MACF1: variants seen among roughly 807,000 people sequenced by gnomAD.
MACF1 encodes the protein microtubule-actin cross-linking factor 1.
MACF1 carries 193 observed loss-of-function variants against 854.8 expected under a neutral mutation model. That is an observed-to-expected ratio of 0.23 (90% confidence interval 0.20 to 0.25). MACF1 has a LOEUF of 0.25. MACF1 is among the 10% of genes least tolerant of loss of function. The pLI, the probability that MACF1 is intolerant of heterozygous loss-of-function variation, is 1.00. For missense variants in MACF1, 7,722 were observed against 8,929.1 expected, an observed-to-expected ratio of 0.86 and a Z score of 5.45; for synonymous variants, 3,185 against 3,226.7, an observed-to-expected ratio of 0.99 and a Z score of 0.44.
intron 2 of MACF1, among the ~76,000 whole-genome samples, chr1:39,173,084 A>C (rs959524942): frequency 8.5e-5 from 13 of 152,136 alleles, no homozygotes; most frequent in Non-Finnish European, 2.9e-5. Context: ...GGCTTTGCCT[A>C]TAATCCCAGC....
chr1:39,169,952 T>G (rs945072400), intron 2 of MACF1, among the ~76,000 whole-genome samples: 1 of 151,662 alleles, frequency 6.6e-6, no homozygotes, highest in African/African-American at 2.4e-5. Context: ...TTTTTTTTTT[T>G]TGTATTTTTT....
At position 39,144,582 on chromosome 1, in the gene MACF1, G is replaced by GT. The variant is rs530489247; in HGVS notation, c.220+60145dup. Among the ~76,000 whole-genome samples, 506 of 152,078 alleles carry GT rather than the reference G, an allele frequency of 3.3e-3. 4 individuals carry two copies. Among genetic ancestry groups the GT allele is most frequent in the Non-Finnish European group, 5.9e-3 (404 of 68,002 alleles). On this transcript the variant is annotated intron_variant, in intron 2 of 93. Coordinates refer to the MACF1 transcript ENST00000361689. ...GAATTCCCTTCTAACAACGTGTGAG[G>GT]TGTCAGCCCCATTTGAAGAACTAGT...
intron 2 of MACF1, among the ~76,000 whole-genome samples, chr1:39,146,121 C>G (rs776511697): frequency 6.6e-6 from 1 of 152,110 alleles, no homozygotes; most frequent in Admixed American, 6.5e-5. Context: ...TGGAAGCCAC[C>G]TAAGTGTCCA....
intron 21 of MACF1, among the ~76,000 whole-genome samples, chr1:39,299,710 A>G (rs926860600): frequency 6.6e-6 from 1 of 152,200 alleles, no homozygotes; most frequent in African/African-American, 2.4e-5. Context: ...TTAGGAAAAT[A>G]AAATATTTGG....
At chr1:39,321,731 A>G (rs997847103) in intron 31 of MACF1, among the ~76,000 whole-genome samples, 3 of 152,120 alleles carry the variant, frequency 2.0e-5, no homozygotes, top group Non-Finnish European at 2.9e-5. Context: ...AGCACCTGGG[A>G]GCTTATTAGA....
In MACF1 at chr1:39,485,795, C is replaced by T. The variant is rs760916509; in HGVS notation, c.*1C>T. 5 of 1,587,846 alleles carry T rather than the reference C, an allele frequency of 3.1e-6. No homozygotes were observed. The Admixed American group carries it at 8.5e-5, about 27-fold the overall frequency. ...CAGGACTCCAGGTCCCAAGCGATAA[C>T]ACTGTCTAAGCACCCCCAAGCCACT... On this transcript the variant is annotated 3_prime_UTR_variant, in exon 101 of 101. Coordinates refer to ENST00000564288, the MANE Select transcript of MACF1 (RefSeq NM_001394062.1).
intron 58 of MACF1, among the ~76,000 whole-genome samples, chr1:39,403,634 T>A (rs1642569329): frequency 6.6e-6 from 1 of 152,170 alleles, no homozygotes; most frequent in African/African-American, 2.4e-5. Context: ...CTACCTTCTC[T>A]CTGGTCAGTT....
At chr1:39,422,121 C>CA (rs1349699054) in intron 58 of MACF1, among the ~76,000 whole-genome samples, 1 of 151,900 alleles carries the variant, frequency 6.6e-6, no homozygotes, top group African/African-American at 2.4e-5. Flanking sequence ...AAAAAAAGAA[C>CA]AAAGGAAAGA....
At chr1:39,463,798 T>C in intron 94 of MACF1, 112 bp downstream of exon 94, 1 of 901,540 alleles carries the variant, frequency 1.1e-6, no homozygotes, top group Non-Finnish European at 1.8e-6. Flanking sequence ...TGAGATGTGG[T>C]CACTCTCTGA....
At chr1:39,247,591 A>G (rs1644996506) in intron 2 of MACF1, among the ~76,000 whole-genome samples, 1 of 152,134 alleles carries the variant, frequency 6.6e-6, no homozygotes, top group Admixed American at 6.5e-5. Flanking sequence ...ATTTAGTGAT[A>G]TTATATTAGT....
intron 2 of MACF1, among the ~76,000 whole-genome samples, chr1:39,109,376 TCTC>T (rs1446358468): frequency 6.6e-6 from 1 of 152,168 alleles, no homozygotes; most frequent in East Asian, 1.9e-4. Flanking sequence ...TTCAAGCAAT[TCTC>T]CTGCCTCAGC....
intron 61 of MACF1, among the ~76,000 whole-genome samples, chr1:39,425,932 A>T (rs1643712555): frequency 6.6e-6 from 1 of 152,128 alleles, no homozygotes; most frequent in South Asian, 2.1e-4. Context: ...CTAGCCTAAT[A>T]TAGTTTCTGG....
intron 49 of MACF1, among the ~76,000 whole-genome samples, chr1:39,366,696 CT>C (rs10718160): frequency 0.36 from 48,552 of 133,498 alleles, 8,260 homozygotes; most frequent in African/African-American, 0.46. Context: ...TACAAATATA[CT>C]TTTTTTTTTT....
chr1:39,463,559 A>C, intron 93 of MACF1, 53 bp from the exon 94 acceptor site: 1 of 1,261,672 alleles, frequency 7.9e-7, no homozygotes, highest in South Asian at 1.2e-5. Context: ...GTTTCTCTGA[A>C]TAGGAAGTTT....
At chr1:39,462,332 C>T (rs1365971017) in intron 93 of MACF1, among the ~76,000 whole-genome samples, 1 of 152,126 alleles carries the variant, frequency 6.6e-6, no homozygotes, top group East Asian at 1.9e-4. Flanking sequence ...TTCACTCGTC[C>T]TGTGTTTGGG....
Position 39,172,191 on chromosome 1 carries a change from A to G in MACF1, c.221-58991A>G, listed in dbSNP as rs944762955. 2.6e-5 allele frequency among the ~76,000 whole-genome samples: 4 copies of G among 152,162 alleles called. No homozygotes were observed. The South Asian group carries it at 8.3e-4, about 32-fold the overall frequency. On this transcript the variant is annotated intron_variant, in intron 2 of 93. Transcript: ENST00000361689. ...AAGTAATGAATTTTATATAGAAGGG[A>G]GCATTATTCTTTGCAAAATAAGACC...
intron 1 of MACF1, among the ~76,000 whole-genome samples, chr1:39,213,890 T>C (rs1473132558): frequency 6.6e-6 from 1 of 152,168 alleles, no homozygotes; most frequent in East Asian, 1.9e-4. Context: ...TGAGAACCTT[T>C]ATTAGTAAGC....
chr1:39,170,617 T>C (rs1020237947), intron 2 of MACF1, among the ~76,000 whole-genome samples: 2 of 152,202 alleles, frequency 1.3e-5, no homozygotes, highest in African/African-American at 4.8e-5. Context: ...ACGACTATTA[T>C]AGGAAAAAGG....
rs771288087 is a variant in MACF1, at chr1:39,302,914, A to T, written c.2635-10A>T. Reference sequence around the variant, plus strand: ...TCCATTAGCAATCACTGGTAAATTTATCTCTTCAGATTACTATTTGCAAAA... The same window carrying T: ...TCCATTAGCAATCACTGGTAAATTTTTCTCTTCAGATTACTATTTGCAAAA... On this transcript the variant is annotated splice_polypyrimidine_tract_variant and intron_variant, in intron 22 of 100. Transcript: ENST00000564288. 5.6e-6 allele frequency: 9 copies of T among 1,610,270 alleles called. No individual in the cohort carries two copies. In the African/African-American group the frequency reaches 1.2e-4, roughly 22 times the overall value.
Sources: allele counts gnomAD v4.1 joint callset (sites outside exome capture counted in the v4.1 genomes callset), GRCh38; gene constraint gnomAD v4.1.1; transcripts MANE v1.5; gene names NCBI Gene and HGNC (gene_info 2026-07-23, HGNC 2026-07-21).